The following IP6K3 variants were observed in gnomAD, a reference collection of about 807,000 sequenced individuals.
IP6K3 encodes inositol hexakisphosphate kinase 3.
A neutral mutation model predicts 28.8 loss-of-function variants in IP6K3; 20 were observed. The ratio of observed to expected loss-of-function variants is 0.70; its 90% CI spans 0.49 to 1.01. IP6K3 has a LOEUF of 1.01. Among genes scored for constraint, IP6K3 ranks in the 50% least tolerant of loss-of-function variants. The probability of loss-of-function intolerance (pLI) is 0.00; values close to 1 mark genes in which losing one functional copy is unlikely to be tolerated. For missense variants in IP6K3, 480 were observed against 537.1 expected (o/e 0.89, Z 1.05); for synonymous variants, 213 against 221.3 (o/e 0.96, Z 0.33).
chr6:33,734,928 GTGTT>G (rs1766460121), intron 2 of IP6K3, among the ~76,000 whole-genome samples: 1 of 152,170 alleles, frequency 6.6e-6, no homozygotes, highest in Admixed American at 6.5e-5. Flanking sequence ...ATTTTGCCCT[GTGTT>G]TACAGCCAGC....
At chr6:33,726,657 A>T (rs1427412245) in intron 4 of IP6K3, 74 bp downstream of exon 4, 1 of 1,421,510 alleles carries the variant, frequency 7.0e-7, no homozygotes, top group Non-Finnish European at 9.5e-7. Flanking sequence ...TGTTTCCTCT[A>T]CCCACCTCTG....
At chr6:33,756,485 TGTGTGA>T in the IP6K3 span, among the ~76,000 whole-genome samples, 1 of 152,018 alleles carries the variant, frequency 6.6e-6, no homozygotes, top group Non-Finnish European at 1.5e-5. Flanking sequence ...TGTGTGTGTG[TGTGTGA>T]GAGACAGAGA....
chr6:33,752,644 G>A, the IP6K3 span, among the ~76,000 whole-genome samples: 1 of 152,258 alleles, frequency 6.6e-6, no homozygotes, highest in African/African-American at 2.4e-5. Context: ...TTGCAGGGTG[G>A]CTAGTGGATG....
chr6:33,751,301 A>G (rs1448190881), upstream of IP6K3, among the ~76,000 whole-genome samples: 1 of 152,146 alleles, frequency 6.6e-6, no homozygotes, highest in Non-Finnish European at 1.5e-5. This position sits in a 1 kb window ranked among gnomAD's most constrained non-coding sequence, Gnocchi z 4.3. Flanking sequence ...ACAGCTGAAG[A>G]TACTGGGGTA....
At position 33,722,749 on chromosome 6, in the gene IP6K3, TC is replaced by T. The variant is rs774220587; in HGVS notation, c.1203del (p.Ile402SerfsTer22). Reference sequence around the variant, plus strand: ...TCTCCCTCTTGGATATCCTGCAGGATCCTGATGAGGTTTTCCAGGCCAAAAA... The same window carrying T: ...TCTCCCTCTTGGATATCCTGCAGGATCTGATGAGGTTTTCCAGGCCAAAAA... ...GYIFGLENLI[R>X]ILQDIQEGE On this transcript the variant is annotated frameshift_variant, in exon 6 of 6. Transcript: ENST00000293756. LOFTEE classifies it high-confidence loss of function. The T allele has an allele frequency of 9.3e-6, 15 of 1,612,854 alleles. 1 individual carries two copies. In the South Asian group the frequency reaches 1.5e-4, roughly 17 times the overall value.
intron 4 of IP6K3, among the ~76,000 whole-genome samples, chr6:33,725,906 C>G (rs1209215784): frequency 6.6e-6 from 1 of 152,158 alleles, no homozygotes; most frequent in African/African-American, 2.4e-5. Flanking sequence ...AGTGTGAAAT[C>G]CCTAGCAGGC....
Position 33,722,231 on chromosome 6 carries a change from T to G in IP6K3, c.*489A>C. The G allele has an allele frequency of 6.4e-6, 1 of 155,552 alleles. No individual in the cohort carries two copies. Among genetic ancestry groups the G allele is most frequent in the South Asian group, 2.0e-4 (1 of 5,100 alleles). 9.6% of individuals were successfully genotyped at this position (155,552 alleles called of 1,614,324 possible). On this transcript the variant is annotated 3_prime_UTR_variant, in exon 6 of 6. Coordinates refer to ENST00000293756, the MANE Select transcript of IP6K3 (RefSeq NM_054111.5). ...ATCCTGTGTCACCTAAAACTCCGCT[T>G]AGGAAGATAAGAGGCATTCATGAGC...
chr6:33,757,861 C>G, the IP6K3 span, among the ~76,000 whole-genome samples: 7 of 152,148 alleles, frequency 4.6e-5, no homozygotes, highest in Non-Finnish European at 2.9e-5. Flanking sequence ...TGAGGCGGGC[C>G]GGCCATCAAG....
chr6:33,735,545 A>C lies in IP6K3; in HGVS notation c.-69T>G. On this transcript the variant is annotated 5_prime_UTR_variant, in exon 2 of 6. Transcript: ENST00000293756. ...GAGGAAGGTTTGAAGTAGAAAGGGC[A>C]GCTCCCAACAGCACACGGGGCTGTC... 6 of 1,563,738 alleles carry C rather than the reference A, an allele frequency of 3.8e-6. No homozygotes were observed. The highest frequency in any genetic ancestry group is 5.2e-6 in the Non-Finnish European group (6 of 1,160,848).
At chr6:33,729,975 G>A (rs1766260662) in intron 2 of IP6K3, among the ~76,000 whole-genome samples, 1 of 152,332 alleles carries the variant, frequency 6.6e-6, no homozygotes, top group Admixed American at 6.5e-5. Flanking sequence ...GCCTCCCAAA[G>A]TGCTGGGATT....
chr6:33,731,930 A>G (rs75254945), intron 2 of IP6K3, among the ~76,000 whole-genome samples: 3 of 152,154 alleles, frequency 2.0e-5, no homozygotes, highest in Admixed American at 1.3e-4. Context: ...ACCCGAGACC[A>G]TGCCAGCTGG....
At position 33,735,495 on chromosome 6, in the gene IP6K3, T is replaced by TG. The variant is rs770644341; in HGVS notation, c.-20dup. ...CAACCATGGCGGCAGATGGTGGTGG[T>TG]GGGGGGTCCCTGCACAGTCTGCTAG... On this transcript the variant is annotated 5_prime_UTR_variant, in exon 2 of 6. Transcript: ENST00000293756. 6 of 1,603,698 alleles carry TG rather than the reference T, an allele frequency of 3.7e-6. No individual in the cohort carries two copies. Among genetic ancestry groups the TG allele is most frequent in the Middle Eastern group, 1.7e-4 (1 of 6,032 alleles).
At chr6:33,740,282 C>T (rs1766670955) in intron 1 of IP6K3, among the ~76,000 whole-genome samples, 1 of 152,238 alleles carries the variant, frequency 6.6e-6, no homozygotes, top group African/African-American at 2.4e-5. Flanking sequence ...CTCCTGCCAC[C>T]ACCAGGAAGT....
At position 33,729,874 on chromosome 6, in the gene IP6K3, C is replaced by T. The variant is rs376764821; in HGVS notation, c.200-1574G>A. 3.2e-4 allele frequency among the ~76,000 whole-genome samples: 48 copies of T among 152,116 alleles called. 1 individual carries two copies. The South Asian group carries it at 3.9e-3, about 13-fold the overall frequency. On this transcript the variant is annotated intron_variant, in intron 2 of 5. Coordinates refer to ENST00000293756, the MANE Select transcript of IP6K3 (RefSeq NM_054111.5). ...GATTACAGGTGCCCGCCACTGCACC[C>T]GGCTAATTTTTGTATTTTTAGTAGA...
At chr6:33,757,722 A>G in the IP6K3 span, among the ~76,000 whole-genome samples, 1 of 152,172 alleles carries the variant, frequency 6.6e-6, no homozygotes, top group African/African-American at 2.4e-5. Context: ...ATAGCAAAGG[A>G]TGAAAAAGTG....
chr6:33,732,125 C>G (rs77804603), intron 2 of IP6K3, among the ~76,000 whole-genome samples: 2,477 of 152,324 alleles, frequency 0.016, 36 homozygotes, highest in South Asian at 0.052. Flanking sequence ...ACTGGACTTA[C>G]GAGTATGTCC....
chr6:33,749,029 C>T, upstream of IP6K3, among the ~76,000 whole-genome samples: 1 of 152,086 alleles, frequency 6.6e-6, no homozygotes. Flanking sequence ...ACCTCCTTTC[C>T]CCCCAGCCCT....
Position 33,740,464 on chromosome 6 carries a change from C to T in IP6K3, c.-179-4809G>A, listed in dbSNP as rs114039433. Among the ~76,000 whole-genome samples the T allele has an allele frequency of 7.7e-3, 1,174 of 152,380 alleles. 8 individuals are homozygous for T. The highest frequency in any genetic ancestry group is 0.015 in the Admixed American group (223 of 15,312). On this transcript the variant is annotated intron_variant, in intron 1 of 5. Coordinates refer to ENST00000293756, the MANE Select transcript of IP6K3 (RefSeq NM_054111.5). The stretch of plus-strand genomic sequence containing the variant: ...CCTGGGCTGTCTGTGCCAGTACAGA[C>T]CCTGCTCCGCAGCCCCACAGGGCCT...
chr6:33,745,808 A>C (rs952344830), intron 1 of IP6K3, among the ~76,000 whole-genome samples: 1 of 152,154 alleles, frequency 6.6e-6, no homozygotes, highest in Non-Finnish European at 1.5e-5. Context: ...GCGTGCTGTG[A>C]TGTCAGAACA....
Sources: gnomAD v4.1 joint callset for allele counts (sites outside exome capture counted in the v4.1 genomes callset) on GRCh38, gnomAD v4.1.1 for gene constraint, Gnocchi (gnomAD v3.1) non-coding constraint, MANE v1.5 for transcripts, NCBI Gene and HGNC (gene_info 2026-07-23, HGNC 2026-07-21) for gene names.